The following IKZF1 variants were observed in gnomAD, a reference collection of about 807,000 sequenced individuals.
IKZF1 encodes IKAROS family zinc finger 1.
A neutral mutation model predicts 51.7 loss-of-function variants in IKZF1; 10 were observed. That is an observed-to-expected ratio of 0.19 (90% CI 0.12 to 0.33). The LOEUF (loss-of-function observed/expected upper bound fraction) is 0.33. Ranked by LOEUF, IKZF1 falls within the 10% of genes least tolerant of loss-of-function variation. The pLI is 1.00. For missense variants in IKZF1, 484 were observed against 707.5 expected, an observed-to-expected ratio of 0.68 and a Z score of 3.58; for synonymous variants, 280 against 282.3, an observed-to-expected ratio of 0.99 and a Z score of 0.08.
chr7:50,374,434 A>T (rs1209966890), intron 3 of IKZF1, among the ~76,000 whole-genome samples: 5 of 152,220 alleles, frequency 3.3e-5, no homozygotes, highest in Non-Finnish European at 1.5e-5. Flanking sequence ...GGCTGCCTGC[A>T]GTTACCTTCC....
intron 6 of IKZF1, 79 bp downstream of exon 6, chr7:50,387,549 C>T: frequency 6.7e-7 from 1 of 1,481,810 alleles, no homozygotes; most frequent in South Asian, 1.4e-5. Context: ...CTGCATGCAG[C>T]CTTAGGAGCA....
chr7:50,312,542 G>T (rs1375514320), intron 1 of IKZF1, among the ~76,000 whole-genome samples: 1 of 152,178 alleles, frequency 6.6e-6, no homozygotes, highest in African/African-American at 2.4e-5. Flanking sequence ...TACAGTATCT[G>T]CCATCTTTTC....
chr7:50,367,868 T>C (rs777829417), intron 3 of IKZF1: 66 of 602,562 alleles, frequency 1.1e-4, no homozygotes, highest in Non-Finnish European at 1.8e-4. Flanking sequence ...GGGCCAGCAA[T>C]AGCAGATGAG....
intron 6 of IKZF1, among the ~76,000 whole-genome samples, chr7:50,387,834 T>G (rs1813872544): frequency 6.6e-6 from 1 of 152,166 alleles, no homozygotes; most frequent in Non-Finnish European, 1.5e-5. Context: ...GTAAACAAAA[T>G]AAAATGTAAA....
chr7:50,355,043 G>T (rs1034547518), intron 3 of IKZF1, among the ~76,000 whole-genome samples: 1 of 152,068 alleles, frequency 6.6e-6, no homozygotes, highest in Admixed American at 6.6e-5. Context: ...GGTGAGGAGG[G>T]GGACAGGCCT....
intron 3 of IKZF1, among the ~76,000 whole-genome samples, chr7:50,359,655 C>T (rs1235295823): frequency 6.6e-6 from 1 of 152,274 alleles, no homozygotes; most frequent in African/African-American, 2.4e-5. Context: ...CACATGTACA[C>T]ACGTGCACAC....
intron 3 of IKZF1, among the ~76,000 whole-genome samples, chr7:50,371,855 G>T (rs1416075826): frequency 1.3e-5 from 2 of 152,212 alleles, no homozygotes; most frequent in Non-Finnish European, 2.9e-5. Context: ...AGATTTCAGT[G>T]ACTACAGGAC....
intron 6 of IKZF1, among the ~76,000 whole-genome samples, chr7:50,389,073 G>T (rs1030287013): frequency 7.9e-5 from 12 of 152,216 alleles, no homozygotes; most frequent in Non-Finnish European, 4.4e-5. Context: ...TACACAGCCG[G>T]CTGAGAGCTG....
chr7:50,364,800 C>T (rs1243194054), intron 3 of IKZF1, among the ~76,000 whole-genome samples: 1 of 152,206 alleles, frequency 6.6e-6, no homozygotes, highest in Non-Finnish European at 1.5e-5. Flanking sequence ...TACTCACCTG[C>T]TCTGTGACTT....
intron 3 of IKZF1, chr7:50,368,127 T>C: frequency 1.4e-6 from 1 of 703,612 alleles, no homozygotes; most frequent in African/African-American, 1.7e-5. Context: ...CATGTAAATA[T>C]CGTACGTGCA....
At chr7:50,350,608 C>T (rs557108315) in intron 3 of IKZF1, among the ~76,000 whole-genome samples, 4 of 152,314 alleles carry the variant, frequency 2.6e-5, no homozygotes, top group South Asian at 2.1e-4. Context: ...TGGACTCTAA[C>T]GACGACCTCA....
In IKZF1 at chr7:50,376,003, T is replaced by C. The variant is rs532430954; in HGVS notation, c.161-530T>C. Among the ~76,000 whole-genome samples the C allele has an allele frequency of 6.6e-6, 1 of 152,352 alleles. No individual in the cohort carries two copies. Among genetic ancestry groups the C allele is most frequent in the African/African-American group, 2.4e-5 (1 of 41,582 alleles). On this transcript the variant is annotated intron_variant, in intron 3 of 7. Transcript: ENST00000331340. This position sits in a 1 kb window ranked among gnomAD's most constrained non-coding sequence, Gnocchi z 4.5. ...GTTTACTGAGTTTTGTCCCAAAGTT[T>C]ATTAATGTTTACATGCCACAAGGAA...
At chr7:50,362,249 C>T (rs990938569) in intron 3 of IKZF1, among the ~76,000 whole-genome samples, 2 of 152,200 alleles carry the variant, frequency 1.3e-5, no homozygotes, top group Admixed American at 6.5e-5. Context: ...AACTGTCCCT[C>T]GACCTGACAC....
chr7:50,348,548 C>A (rs1311274758), intron 3 of IKZF1, among the ~76,000 whole-genome samples: 1 of 152,206 alleles, frequency 6.6e-6, no homozygotes, highest in Non-Finnish European at 1.5e-5. Context: ...GGTTTTCAGA[C>A]CCTGGACATC....
At chr7:50,349,300 T>C (rs1394621082) in intron 3 of IKZF1, among the ~76,000 whole-genome samples, 1 of 152,238 alleles carries the variant, frequency 6.6e-6, no homozygotes, top group Non-Finnish European at 1.5e-5. Context: ...CTAGTTTTTC[T>C]TGCGAAGTGT....
chr7:50,364,502 T>C (rs1395749084), intron 3 of IKZF1, among the ~76,000 whole-genome samples: 4 of 152,214 alleles, frequency 2.6e-5, no homozygotes, highest in Non-Finnish European at 5.9e-5. Context: ...GGCCTGAATT[T>C]ACTAAAGGAC....
intron 2 of IKZF1, among the ~76,000 whole-genome samples, chr7:50,323,886 A>G (rs1794111412): frequency 6.6e-6 from 1 of 152,182 alleles, no homozygotes; most frequent in African/African-American, 2.4e-5. Flanking sequence ...TGTGGGATAG[A>G]CCAAAATCAT....
intron 7 of IKZF1, among the ~76,000 whole-genome samples, chr7:50,398,306 T>A (rs1333696195): frequency 6.6e-6 from 1 of 152,216 alleles, no homozygotes. Flanking sequence ...CCATTTTCCT[T>A]TAGACAAAGT....
chr7:50,361,116 T>C (rs1562826120), intron 3 of IKZF1, among the ~76,000 whole-genome samples: 1 of 152,270 alleles, frequency 6.6e-6, no homozygotes, highest in Non-Finnish European at 1.5e-5. Context: ...TCCTATCTAA[T>C]CATTGTTCCT....
Sources: gnomAD v4.1 joint callset for allele counts (sites outside exome capture counted in the v4.1 genomes callset) on GRCh38, gnomAD v4.1.1 for gene constraint, Gnocchi (gnomAD v3.1) non-coding constraint, MANE v1.5 for transcripts, NCBI Gene and HGNC (gene_info 2026-07-23, HGNC 2026-07-21) for gene names.